Variants in SNTG1 observed in about 807,000 individuals in gnomAD.
SNTG1 encodes gamma-1-syntrophin.
SNTG1 carries 39 observed loss-of-function variants against 74.7 expected under a neutral mutation model. The observed-to-expected ratio is 0.52, with a 90% CI of 0.40 to 0.68. The LOEUF (loss-of-function observed/expected upper bound fraction) is 0.68, where lower values mean the gene tolerates loss of function less well. Among genes scored for constraint, SNTG1 ranks in the 30% least tolerant of loss-of-function variants. The pLI is 0.00. For missense variants in SNTG1, 685 were observed against 609.5 expected, an observed-to-expected ratio of 1.12 and a Z score of -1.30; for synonymous variants, 254 against 217.1, an observed-to-expected ratio of 1.17 and a Z score of -1.49.
chr8:50,773,538 A>G (rs903386477), intron 18 of SNTG1, among the ~76,000 whole-genome samples: 1 of 152,114 alleles, frequency 6.6e-6, no homozygotes, highest in African/African-American at 2.4e-5. Flanking sequence ...GGTCAAAACA[A>G]TAGATGACCA....
chr8:50,675,810 C>A (rs2095307370), intron 15 of SNTG1, among the ~76,000 whole-genome samples: 1 of 151,910 alleles, frequency 6.6e-6, no homozygotes, highest in Non-Finnish European at 1.5e-5. Context: ...TTTTCCTTTC[C>A]ATATTTTGTG....
At chr8:50,528,051 A>G (rs1366396411) in intron 9 of SNTG1, among the ~76,000 whole-genome samples, 1 of 152,024 alleles carries the variant, frequency 6.6e-6, no homozygotes, top group African/African-American at 2.4e-5. Flanking sequence ...CTGCATTCTT[A>G]ACGTTTTTCT....
chr8:49,993,994 C>T (rs1042185408), intron 1 of SNTG1, among the ~76,000 whole-genome samples: 1 of 152,156 alleles, frequency 6.6e-6, no homozygotes, highest in Non-Finnish European at 1.5e-5. Context: ...TTTCTACCCT[C>T]TACCTTTAAC....
At chr8:50,760,761 T>C (rs1054447690) in intron 18 of SNTG1, among the ~76,000 whole-genome samples, 8 of 151,968 alleles carry the variant, frequency 5.3e-5, no homozygotes, top group African/African-American at 1.9e-4. Context: ...GCAAATAAAA[T>C]AGAAAATCGA....
rs937978346 is a variant in SNTG1, at chr8:50,152,984, A to G, written c.-102-19577A>G. ...TAGGTTGGGGAAGTTCTCCTGGATA[A>G]TATCATGAGGAGTGTTTTCCAACTT... On this transcript the variant is annotated intron_variant, in intron 1 of 18. Transcript: ENST00000642720. Among the ~76,000 whole-genome samples, 3 of 152,188 alleles carry G rather than the reference A, an allele frequency of 2.0e-5. No homozygotes were observed. In the South Asian group the frequency reaches 6.2e-4, roughly 31 times the overall value.
intron 1 of SNTG1, among the ~76,000 whole-genome samples, chr8:49,979,768 T>G (rs2130113952): frequency 6.6e-6 from 1 of 152,334 alleles, no homozygotes; most frequent in South Asian, 2.1e-4. Flanking sequence ...CTGAATGTTC[T>G]GAGAGACCCG....
rs1272524237 is a variant in SNTG1, at chr8:50,675,544, T to C, written c.1038+16881T>C. Among the ~76,000 whole-genome samples, 3 of 152,246 alleles carry C rather than the reference T, an allele frequency of 2.0e-5. No individual in the cohort carries two copies. The East Asian group carries it at 5.8e-4, about 29-fold the overall frequency. ...CTTCCATCCCTTTATTCTGAGCCTA[T>C]GTGTGTCTTTGCACATGAGATGGTT... On this transcript the variant is annotated intron_variant, in intron 15 of 18. Transcript: ENST00000642720.
intron 13 of SNTG1, among the ~76,000 whole-genome samples, chr8:50,648,967 A>G (rs1031035968): frequency 5.3e-5 from 8 of 152,184 alleles, no homozygotes; most frequent in African/African-American, 1.9e-4. Context: ...CAAATCATAT[A>G]TATGTATGAC....
chr8:50,262,302 A>C lies in SNTG1; in HGVS notation c.-28+89667A>C, dbSNP rs75266675. On this transcript the variant is annotated intron_variant, in intron 2 of 18. Transcript: ENST00000642720. ...TCCAGCAGAGGAAACTATAGAAATAAGAGCAAATTAAATCCAAAGTAAGCA... is the reference window on the plus strand; with the variant it reads ...TCCAGCAGAGGAAACTATAGAAATACGAGCAAATTAAATCCAAAGTAAGCA... Among the ~76,000 whole-genome samples, 679 of 152,360 alleles carry C rather than the reference A, an allele frequency of 4.5e-3. 5 individuals are homozygous for C. Among genetic ancestry groups the C allele is most frequent in the African/African-American group, 0.016 (651 of 41,588 alleles).
intron 2 of SNTG1, among the ~76,000 whole-genome samples, chr8:50,247,151 A>T (rs570925455): frequency 6.6e-6 from 1 of 152,156 alleles, no homozygotes; most frequent in African/African-American, 2.4e-5. Context: ...AACGAACAAG[A>T]TGAATATTTT....
At chr8:50,107,999 T>C in intron 1 of SNTG1, among the ~76,000 whole-genome samples, 1 of 152,318 alleles carries the variant, frequency 6.6e-6, no homozygotes, top group Non-Finnish European at 1.5e-5. Flanking sequence ...CCAAGCTATA[T>C]TTTGAATGAT....
At chr8:50,088,398 TG>T (rs1484354484) in intron 1 of SNTG1, among the ~76,000 whole-genome samples, 17 of 134,144 alleles carry the variant, frequency 1.3e-4, no homozygotes, top group African/African-American at 4.3e-4. Flanking sequence ...TTGGAAGTTC[TG>T]GCCAGGGCAA....
chr8:50,288,733 G>A (rs2130528620), intron 2 of SNTG1, among the ~76,000 whole-genome samples: 1 of 152,242 alleles, frequency 6.6e-6, no homozygotes, highest in East Asian at 1.9e-4. Context: ...ATGATTTTTA[G>A]TTATATGATT....
intron 4 of SNTG1, among the ~76,000 whole-genome samples, chr8:50,436,212 C>T (rs1452518625): frequency 1.3e-5 from 2 of 152,112 alleles, no homozygotes; most frequent in African/African-American, 2.4e-5. Context: ...TAAGGAATCA[C>T]ATATTTACTT....
At chr8:50,337,168 C>T (rs1016516333) in intron 2 of SNTG1, among the ~76,000 whole-genome samples, 1 of 152,168 alleles carries the variant, frequency 6.6e-6, no homozygotes, top group Non-Finnish European at 1.5e-5. Flanking sequence ...GCATCAAGAA[C>T]AAGTGAACAA....
At chr8:50,011,369 T>C (rs992052726) in intron 1 of SNTG1, among the ~76,000 whole-genome samples, 12 of 152,174 alleles carry the variant, frequency 7.9e-5, no homozygotes, top group East Asian at 1.9e-4. Flanking sequence ...ATGATACTTA[T>C]TGTTAGCCCA....
chr8:50,316,120 C>T (rs903239533), intron 2 of SNTG1, among the ~76,000 whole-genome samples: 1 of 152,124 alleles, frequency 6.6e-6, no homozygotes, highest in African/African-American at 2.4e-5. Flanking sequence ...AATCTTATCT[C>T]TCAGTCTTGT....
chr8:49,923,245 T>G (rs1002643868), intron 1 of SNTG1, among the ~76,000 whole-genome samples: 2 of 152,162 alleles, frequency 1.3e-5, no homozygotes, highest in African/African-American at 4.8e-5. Flanking sequence ...CTACTATGTA[T>G]AATTCAATGT....
chr8:50,162,670 C>T (rs550921989), intron 1 of SNTG1, among the ~76,000 whole-genome samples: 1 of 151,968 alleles, frequency 6.6e-6, no homozygotes, highest in South Asian at 2.1e-4. Context: ...AGTTGAGGTG[C>T]TATCTAATCT....
Sources: allele counts gnomAD v4.1 joint callset (sites outside exome capture counted in the v4.1 genomes callset), GRCh38; gene constraint gnomAD v4.1.1; transcripts MANE v1.5; gene names NCBI Gene and HGNC (gene_info 2026-07-23, HGNC 2026-07-21).